Variants in GLRA3 observed in about 807,000 individuals in gnomAD.
GLRA3 encodes the protein glycine receptor subunit alpha-3.
GLRA3 carries 44 observed loss-of-function variants against 60.4 expected under a neutral mutation model. The ratio of observed to expected loss-of-function variants is 0.73; its 90% CI spans 0.57 to 0.94. GLRA3 has a LOEUF of 0.94. GLRA3 is among the 40% of genes least tolerant of loss of function. The probability of loss-of-function intolerance (pLI) is 0.00; values close to 1 mark genes in which losing one functional copy is unlikely to be tolerated. For missense variants in GLRA3, 508 were observed against 564.6 expected (o/e 0.90, Z 1.02); for synonymous variants, 223 against 192.9 (o/e 1.16, Z -1.29).
At chr4:174,827,726 A>G (rs893669694) in intron 1 of GLRA3, among the ~76,000 whole-genome samples, 1 of 152,078 alleles carries the variant, frequency 6.6e-6, no homozygotes, top group African/African-American at 2.4e-5. Flanking sequence ...ATAACTTTCT[A>G]TAAGGTAGTT....
Position 174,748,891 on chromosome 4 carries a change from C to T in GLRA3, c.267+18072G>A, listed in dbSNP as rs181921756. Among the ~76,000 whole-genome samples, 251 of 152,144 alleles carry T rather than the reference C, an allele frequency of 1.6e-3. 1 individual carries two copies. The highest frequency in any genetic ancestry group is 2.6e-3 in the Non-Finnish European group (177 of 68,006). ...ATAGAAAGATATTAAAGCTAGGGACCTTGATGTGATTTCTGTTTAGTCAAT... is the reference window on the plus strand; with the variant it reads ...ATAGAAAGATATTAAAGCTAGGGACTTTGATGTGATTTCTGTTTAGTCAAT... On this transcript the variant is annotated intron_variant, in intron 3 of 9. Transcript: ENST00000274093.
intron 4 of GLRA3, among the ~76,000 whole-genome samples, chr4:174,728,169 A>G (rs986273164): frequency 2.0e-5 from 3 of 152,230 alleles, no homozygotes; most frequent in African/African-American, 7.2e-5. Flanking sequence ...TATTATCACA[A>G]TGCATGATTC....
At chr4:174,815,418 T>A (rs9991343) in intron 1 of GLRA3, among the ~76,000 whole-genome samples, 18 of 152,304 alleles carry the variant, frequency 1.2e-4, no homozygotes, top group African/African-American at 3.8e-4. Context: ...CTAGGTGATG[T>A]CTCAGTAGGG....
rs567503149 is a variant in GLRA3, at chr4:174,777,768, G to C, written c.200-10738C>G. Among the ~76,000 whole-genome samples the C allele has an allele frequency of 8.1e-4, 124 of 152,246 alleles. 1 individual carries two copies. The South Asian group carries it at 0.022, about 27-fold the overall frequency. On this transcript the variant is annotated intron_variant, in intron 2 of 9. Coordinates refer to ENST00000274093, the MANE Select transcript of GLRA3 (RefSeq NM_006529.4). ...AATAATAAATATACCACATGAATAT[G>C]AAGATGCCAATAACAGGGTACACTG...
At chr4:174,721,041 G>GTGTT (rs57213900) in intron 4 of GLRA3, among the ~76,000 whole-genome samples, 3 of 145,060 alleles carry the variant, frequency 2.1e-5, no homozygotes, top group African/African-American at 7.9e-5. Flanking sequence ...GTGTGTGTGT[G>GTGTT]TTTTTGAGAT....
chr4:174,757,330 G>T (rs1429496470), intron 3 of GLRA3, among the ~76,000 whole-genome samples: 1 of 151,798 alleles, frequency 6.6e-6, no homozygotes, highest in Admixed American at 6.6e-5. Flanking sequence ...AAGCCTAGAC[G>T]CAATGAAACC....
At chr4:174,763,909 G>A (rs949617390) in intron 3 of GLRA3, among the ~76,000 whole-genome samples, 2 of 152,104 alleles carry the variant, frequency 1.3e-5, no homozygotes, top group Non-Finnish European at 2.9e-5. Flanking sequence ...GGTGGAACAA[G>A]TCCTTAAAGA....
chr4:174,772,027 G>A (rs1016601614), intron 2 of GLRA3, among the ~76,000 whole-genome samples: 1 of 152,148 alleles, frequency 6.6e-6, no homozygotes, highest in Non-Finnish European at 1.5e-5. Context: ...AAGGAGCAGT[G>A]TTAGGTACCG....
chr4:174,790,920 C>T (rs1436076834), intron 1 of GLRA3, among the ~76,000 whole-genome samples: 6 of 146,492 alleles, frequency 4.1e-5, no homozygotes, highest in Non-Finnish European at 3.0e-5. Context: ...AGGAGAATGG[C>T]GTGAACCTGG....
chr4:174,729,463 G>A (rs188920486), intron 3 of GLRA3, among the ~76,000 whole-genome samples: 49 of 152,258 alleles, frequency 3.2e-4, no homozygotes, highest in Middle Eastern at 3.4e-3. Flanking sequence ...AATAAAGGAC[G>A]ATTATTGTCC....
In GLRA3 at chr4:174,642,102, T is replaced by C. The variant is rs1397603467; in HGVS notation, c.*1684A>G. 1.9e-5 allele frequency: 17 copies of C among 889,530 alleles called. No homozygotes were observed. Among genetic ancestry groups the C allele is most frequent in the Non-Finnish European group, 2.3e-5 (17 of 742,704 alleles). The allele number at this position is 889,530 out of a possible 1,614,324, so 55.1% of individuals were successfully genotyped here. On this transcript the variant is annotated 3_prime_UTR_variant, in exon 10 of 10. Coordinates refer to ENST00000274093, the MANE Select transcript of GLRA3 (RefSeq NM_006529.4). ...TTATAGTGTTGTTTTAAGTTACTTATAAAGGAGGGGAACTTGGTCTTTTAC... is the reference window on the plus strand; with the variant it reads ...TTATAGTGTTGTTTTAAGTTACTTACAAAGGAGGGGAACTTGGTCTTTTAC...
At position 174,644,058 on chromosome 4, in the gene GLRA3, C is replaced by T. The variant is rs1255467434; in HGVS notation, c.1123G>A (p.Glu375Lys). 1.3e-6 allele frequency: 2 copies of T among 1,598,724 alleles called. No homozygotes were observed. Among genetic ancestry groups the T allele is most frequent in the Non-Finnish European group, 1.7e-6 (2 of 1,170,436 alleles). ...KFYRFSDMDD[E>K]VRESRFSFTA... Reference sequence around the variant, plus strand: ...AAGCTGAATCGGCTTTCCCTTACCTCATCATCCTGTCAAAGAAAAATGTGA... The same window carrying T: ...AAGCTGAATCGGCTTTCCCTTACCTTATCATCCTGTCAAAGAAAAATGTGA... Residue 375 changes from glutamate to lysine, a missense_variant, in exon 10 of 10, where the codon GAG (glutamate) becomes AAG (lysine). Glu to Lys is a moderately conservative substitution (Grantham distance 56). This residue lies in a region of GLRA3 where 176 missense variants were observed against 197.9 expected (regional missense o/e 0.89). Transcript: ENST00000274093.
At chr4:174,689,041 A>T (rs1378240778) in intron 5 of GLRA3, among the ~76,000 whole-genome samples, 1 of 152,202 alleles carries the variant, frequency 6.6e-6, no homozygotes, top group Admixed American at 6.5e-5. Flanking sequence ...TTTTTCAGGT[A>T]TAAGAGACAT....
At chr4:174,731,783 AAT>A (rs1397644105) in intron 3 of GLRA3, among the ~76,000 whole-genome samples, 1 of 152,188 alleles carries the variant, frequency 6.6e-6, no homozygotes, top group Non-Finnish European at 1.5e-5. Context: ...CATGCTTTAA[AAT>A]ATTTCATACC....
At chr4:174,649,421 A>G (rs1732951031) in intron 9 of GLRA3, among the ~76,000 whole-genome samples, 1 of 152,184 alleles carries the variant, frequency 6.6e-6, no homozygotes, top group African/African-American at 2.4e-5. Context: ...TGATACATAA[A>G]TGAAGGATCT....
intron 9 of GLRA3, among the ~76,000 whole-genome samples, chr4:174,651,559 TAG>T (rs1733021915): frequency 6.6e-6 from 1 of 152,148 alleles, no homozygotes; most frequent in African/African-American, 2.4e-5. Flanking sequence ...ATTTTACTAT[TAG>T]ATGTTTTAAA....
At chr4:174,819,561 T>G (rs973101475) in intron 1 of GLRA3, among the ~76,000 whole-genome samples, 3 of 152,316 alleles carry the variant, frequency 2.0e-5, no homozygotes, top group African/African-American at 7.2e-5. Context: ...TTATAAAGAA[T>G]TTATACTCCT....
intron 7 of GLRA3, among the ~76,000 whole-genome samples, chr4:174,660,441 T>A (rs1487391623): frequency 6.6e-6 from 1 of 152,028 alleles, no homozygotes; most frequent in East Asian, 1.9e-4. Flanking sequence ...TACATTCAGA[T>A]GATGGATTTT....
At chr4:174,736,028 C>A (rs1736771499) in intron 3 of GLRA3, among the ~76,000 whole-genome samples, 1 of 151,996 alleles carries the variant, frequency 6.6e-6, no homozygotes, top group South Asian at 2.1e-4. Context: ...TACAAATGAT[C>A]TTCAAATCAG....
Sources: allele counts gnomAD v4.1 joint callset (sites outside exome capture counted in the v4.1 genomes callset), GRCh38; gene constraint gnomAD v4.1.1; regional missense constraint gnomAD v4.1.1; transcripts MANE v1.5; gene names NCBI Gene and HGNC (gene_info 2026-07-23, HGNC 2026-07-21).